RUNDC1: variants seen among roughly 807,000 people sequenced by gnomAD.
The protein encoded by RUNDC1 is RUN domain-containing protein 1.
A neutral mutation model predicts 49.3 loss-of-function variants in RUNDC1; 31 were observed. The ratio of observed to expected loss-of-function variants is 0.63; its 90% CI spans 0.47 to 0.85. The LOEUF is 0.85. Ranked by LOEUF, RUNDC1 falls within the 40% of genes least tolerant of loss-of-function variation. The pLI is 0.00. For synonymous variants in RUNDC1, 347 were observed against 348.6 expected, an observed-to-expected ratio of 1.00 and a Z score of 0.05; for missense variants, 715 against 806.7, an observed-to-expected ratio of 0.89 and a Z score of 1.38.
At chr17:42,984,946 A>AGTG (rs1322353047) in intron 1 of RUNDC1, among the ~76,000 whole-genome samples, 2 of 116,450 alleles carry the variant, frequency 1.7e-5, no homozygotes, top group South Asian at 2.8e-4. Flanking sequence ...CCCAGGCTGG[A>AGTG]GTGCAATGCT....
chr17:42,994,288 G>C lies in RUNDC1; in HGVS notation c.*2572G>C, dbSNP rs1047556999. ...TCACAAAAACAAAACTTGTATTAAG[G>C]CTTTGTGCTAGCATTACAGGAAGCA... On this transcript the variant is annotated 3_prime_UTR_variant, in exon 5 of 5. Transcript: ENST00000361677. 4.6e-5 allele frequency among the ~76,000 whole-genome samples: 7 copies of C among 152,208 alleles called. No individual in the cohort carries two copies. The highest frequency in any genetic ancestry group is 1.0e-4 in the Non-Finnish European group (7 of 68,044).
At chr17:42,985,635 TTA>T in intron 1 of RUNDC1, 1 of 47,836 alleles carries the variant, frequency 2.1e-5, no homozygotes, top group Non-Finnish European at 4.1e-5. Context: ...TTCTCTCTCA[TTA>T]CTTACTTCTT....
intron 2 of RUNDC1, 24 bp downstream of exon 2, chr17:42,987,438 C>A: frequency 6.2e-7 from 1 of 1,611,384 alleles, no homozygotes. Context: ...AGAGGAACCT[C>A]CACCACTGCC....
Position 42,991,928 on chromosome 17 carries a change from TGCCAGGCCGG to T in RUNDC1, c.*215_*224del. 3.4e-6 allele frequency: 2 copies of T among 584,378 alleles called. No homozygotes were observed. The highest frequency in any genetic ancestry group is 6.0e-6 in the Non-Finnish European group (2 of 335,710). 36.2% of individuals were successfully genotyped at this position (584,378 alleles called of 1,614,324 possible). ...AGGGACCCTCTTGTTAAGAAGGTTC[TGCCAGGCCGG>T]GCGCGGTGGCTCACACCTGTAATCC... On this transcript the variant is annotated 3_prime_UTR_variant, in exon 5 of 5. Transcript: ENST00000361677.
At chr17:42,989,799 T>C in intron 3 of RUNDC1, among the ~76,000 whole-genome samples, 1 of 151,976 alleles carries the variant, frequency 6.6e-6, no homozygotes, top group Non-Finnish European at 1.5e-5. Flanking sequence ...CCCACCCAGC[T>C]AATTTTTGTA....
intron 1 of RUNDC1, among the ~76,000 whole-genome samples, chr17:42,986,691 C>T (rs909705219): frequency 2.6e-5 from 4 of 151,758 alleles, no homozygotes; most frequent in South Asian, 2.1e-4. Context: ...TTAGTAGAGA[C>T]GGGGTTTTAC....
In RUNDC1 at chr17:42,983,200, AAAC is replaced by A. The variant is rs2050126488; in HGVS notation, c.498+2128_498+2130del. Among the ~76,000 whole-genome samples the A allele has an allele frequency of 1.1e-4, 13 of 117,280 alleles. No individual in the cohort carries two copies. The South Asian group carries it at 3.5e-3, about 31-fold the overall frequency. 76.9% of individuals were successfully genotyped at this position (117,280 alleles called of 152,430 possible). Reference sequence around the variant, plus strand: ...CTGTCTCAAAAAAAAAAGGCAAAAGAAACATTGTACCACCTTAAAAAAAAAAAA... The same window carrying A: ...CTGTCTCAAAAAAAAAAGGCAAAAGAATTGTACCACCTTAAAAAAAAAAAA... On this transcript the variant is annotated intron_variant, in intron 1 of 4. Coordinates refer to ENST00000361677, the MANE Select transcript of RUNDC1 (RefSeq NM_173079.5).
intron 2 of RUNDC1, among the ~76,000 whole-genome samples, chr17:42,988,250 T>G (rs10852953): frequency 0.64 from 91,118 of 141,342 alleles, 29,785 homozygotes; most frequent in East Asian, 0.85. Flanking sequence ...GAGTTTACGA[T>G]ATCAGATTTT....
intron 4 of RUNDC1, 136 bp from the exon 5 acceptor site, chr17:42,990,715 A>C: frequency 9.8e-7 from 1 of 1,024,290 alleles, no homozygotes; most frequent in South Asian, 1.6e-5. Flanking sequence ...AAGGAAGTCC[A>C]GCTACATCCT....
intron 1 of RUNDC1, 64 bp downstream of exon 1, chr17:42,981,138 A>G: frequency 6.7e-7 from 1 of 1,486,364 alleles, no homozygotes; most frequent in Non-Finnish European, 8.9e-7. Context: ...GTGGCGATCC[A>G]GACCCGGATG....
rs150930672 is a variant in RUNDC1, at chr17:42,982,505, T to C, written c.498+1431T>C. Reference sequence around the variant, plus strand: ...ACCTCAAACTGTCAGATTTAAGGGCTAGAAAGGGGTGGACAGCACCAAAGG... The same window carrying C: ...ACCTCAAACTGTCAGATTTAAGGGCCAGAAAGGGGTGGACAGCACCAAAGG... On this transcript the variant is annotated intron_variant, in intron 1 of 4. Transcript: ENST00000361677. Among the ~76,000 whole-genome samples, 368 of 152,294 alleles carry C rather than the reference T, an allele frequency of 2.4e-3. 2 individuals are homozygous for C. The highest frequency in any genetic ancestry group is 8.5e-3 in the African/African-American group (353 of 41,554).
At chr17:42,985,760 G>C (rs1252610304) in intron 1 of RUNDC1, 4 of 861,812 alleles carry the variant, frequency 4.6e-6, no homozygotes, top group Non-Finnish European at 4.2e-6. Flanking sequence ...TTGTTTTTGA[G>C]ACTCAAGAAA....
At position 42,981,080 on chromosome 17, in the gene RUNDC1, T is replaced by C. The variant is rs769575618; in HGVS notation, c.498+6T>C. On this transcript the variant is annotated splice_donor_region_variant and intron_variant, in intron 1 of 4. Coordinates refer to ENST00000361677, the MANE Select transcript of RUNDC1 (RefSeq NM_173079.5). ...GGTTGCGGGGCGAGGACCAGGTGAG[T>C]GGCTGGAGCCGGGCCGCGAGGAATA... 1.3e-6 allele frequency: 2 copies of C among 1,558,102 alleles called. No homozygotes were observed. The highest frequency in any genetic ancestry group is 1.7e-6 in the Non-Finnish European group (2 of 1,160,216).
chr17:42,985,886 A>G (rs1432912283), intron 1 of RUNDC1, among the ~76,000 whole-genome samples: 1 of 152,220 alleles, frequency 6.6e-6, no homozygotes, highest in Non-Finnish European at 1.5e-5. Context: ...AGGAGTCACT[A>G]GTCAGCAAAA....
At chr17:42,983,116 A>G (rs2050125591) in intron 1 of RUNDC1, among the ~76,000 whole-genome samples, 1 of 150,354 alleles carries the variant, frequency 6.7e-6, no homozygotes, top group Non-Finnish European at 1.5e-5. Context: ...CAGGAGTTGG[A>G]GGCTGCAGAG....
rs200561980 is a variant in RUNDC1 at position 42,990,901 on chromosome 17, C to T, written c.1027C>T (p.Arg343Trp). 6.8e-6 allele frequency: 11 copies of T among 1,607,766 alleles called. No homozygotes were observed. The highest frequency in any genetic ancestry group is 1.1e-5 in the South Asian group (1 of 90,910). Residue 343 changes from arginine (R) to tryptophan (W), a missense_variant, in exon 5 of 5, where the codon CGG (arginine) becomes TGG (tryptophan). Physicochemically the swap from Arg to Trp is moderately radical, Grantham distance 101. This residue lies in a region of RUNDC1 where 425 missense variants were observed against 499.7 expected (regional missense o/e 0.85). Coordinates refer to ENST00000361677, the MANE Select transcript of RUNDC1 (RefSeq NM_173079.5). The stretch of plus-strand genomic sequence containing the variant: ...CCGGGAGACGGGGCTGCACCTGATG[C>T]GGCGAGCGCTGGCCGTGCTCCAGAT... ...KVRETGLHLM[R>W]RALAVLQIFA... is the part of the protein sequence containing the mutation.
chr17:42,988,207 C>T (rs909476298), intron 2 of RUNDC1, among the ~76,000 whole-genome samples: 1 of 151,870 alleles, frequency 6.6e-6, no homozygotes, highest in Non-Finnish European at 1.5e-5. Flanking sequence ...GTTTCTCTAC[C>T]CCTGTGCTGT....
At chr17:42,987,877 C>A (rs900359351) in intron 2 of RUNDC1, among the ~76,000 whole-genome samples, 1 of 152,088 alleles carries the variant, frequency 6.6e-6, no homozygotes, top group African/African-American at 2.4e-5. Flanking sequence ...CTCAGCCTCC[C>A]AAGTAACTGG....
chr17:42,987,901 C>T (rs1050612203), intron 2 of RUNDC1, among the ~76,000 whole-genome samples: 3 of 152,028 alleles, frequency 2.0e-5, no homozygotes, highest in Admixed American at 6.6e-5. Flanking sequence ...TATAGGCAGG[C>T]GCCACCATGC....
Sources: gnomAD v4.1 joint callset for allele counts (sites outside exome capture counted in the v4.1 genomes callset) on GRCh38, gnomAD v4.1.1 for gene constraint, gnomAD v4.1.1 regional missense constraint, MANE v1.5 for transcripts, NCBI Gene and HGNC (gene_info 2026-07-23, HGNC 2026-07-21) for gene names.